The following ARHGEF18 variants were observed in gnomAD, a reference collection of about 807,000 sequenced individuals.
ARHGEF18 encodes Rho/Rac guanine nucleotide exchange factor 18.
Under a neutral mutation model 155.7 loss-of-function variants are expected in ARHGEF18, and 93 were observed. The ratio of observed to expected loss-of-function variants is 0.60; its 90% CI spans 0.50 to 0.71. ARHGEF18 has a LOEUF of 0.71. Among genes scored for constraint, ARHGEF18 ranks in the 30% least tolerant of loss-of-function variants. The probability of loss-of-function intolerance (pLI) is 0.00; values close to 1 mark genes in which losing one functional copy is unlikely to be tolerated. For synonymous variants in ARHGEF18, 742 were observed against 753.1 expected (o/e 0.99, Z 0.24); for missense variants, 1,593 against 1,816.1 (o/e 0.88, Z 2.23).
intron 10 of ARHGEF18, among the ~76,000 whole-genome samples, chr19:7,385,504 C>A (rs1328222402): frequency 1.3e-5 from 2 of 148,952 alleles, no homozygotes; most frequent in Non-Finnish European, 3.0e-5. Context: ...GAGACGGAGT[C>A]CCACTCTGTC....
In ARHGEF18 at chr19:7,453,725, T is replaced by C; in HGVS notation, c.2104+10T>C. 6.5e-7 allele frequency: 1 copy of C among 1,533,810 alleles called. No homozygotes were observed. The highest frequency in any genetic ancestry group is 1.3e-5 in the South Asian group (1 of 78,202). The stretch of plus-strand genomic sequence containing the variant: ...TCAGGGCGCTTGAAAGGTAAAGGCC[T>C]GCCCCTGCCCACCTCTAGTGGGTGC... On this transcript the variant is annotated intron_variant, in intron 17 of 28. Transcript: ENST00000668164.
At chr19:7,357,353 C>T (rs1233370972) in intron 1 of ARHGEF18, among the ~76,000 whole-genome samples, 1 of 152,220 alleles carries the variant, frequency 6.6e-6, no homozygotes. Context: ...GGCTGCTCAG[C>T]TCACCCTGTC....
chr19:7,381,691 T>TAATAAATAAATA (rs57480401), intron 8 of ARHGEF18, among the ~76,000 whole-genome samples: 1,806 of 146,112 alleles, frequency 0.012, 39 homozygotes, highest in African/African-American at 0.042. Flanking sequence ...AATAAATAAA[T>TAATAAATAAATA]AATAAATAAA....
downstream of ARHGEF18, among the ~76,000 whole-genome samples, chr19:7,474,455 T>C (rs763005039): frequency 2.2e-4 from 34 of 152,186 alleles, no homozygotes; most frequent in Non-Finnish European, 4.3e-4. Flanking sequence ...CTTGACTCAC[T>C]GCAACCGCCG....
rs747203336 is a variant in ARHGEF18, at chr19:7,447,178, A to AT, written c.1737+21dup. 3.3e-3 allele frequency: 4,450 copies of AT among 1,356,284 alleles called. No individual in the cohort carries two copies. The highest frequency in any genetic ancestry group is 6.7e-3 in the East Asian group (240 of 35,996). 84.0% of individuals were successfully genotyped at this position (1,356,284 alleles called of 1,614,324 possible). ...TCAAAACTTGATCAAGGTAAAAACA[A>AT]TTTTTTTTTTTAATCAAAAACTTAT... is the stretch of plus-strand genomic sequence containing the variant. On this transcript the variant is annotated intron_variant, in intron 15 of 28. Transcript: ENST00000668164.
intron 10 of ARHGEF18, among the ~76,000 whole-genome samples, chr19:7,412,182 C>T (rs751245119): frequency 8.7e-5 from 12 of 138,154 alleles, no homozygotes; most frequent in East Asian, 2.0e-4. Context: ...ATTACAGGGG[C>T]GCGCCACCAC....
chr19:7,413,582 T>G (rs2145633986), intron 10 of ARHGEF18, among the ~76,000 whole-genome samples: 1 of 148,792 alleles, frequency 6.7e-6, no homozygotes, highest in Middle Eastern at 3.4e-3. Context: ...ATTACAGGCG[T>G]GAGCCACTGC....
rs1462992712 is a variant in ARHGEF18, at chr19:7,453,508, C to A, written c.1897C>A (p.Leu633Ile). The A allele has an allele frequency of 6.2e-7, 1 of 1,613,400 alleles. No individual in the cohort carries two copies. The highest frequency in any genetic ancestry group is 1.3e-5 in the African/African-American group (1 of 74,924). The change falls in exon 17 of 29, where the codon CTC becomes ATC. Residue 633 changes from leucine (L) to isoleucine (I), a missense_variant. Physicochemically the swap from Leu to Ile is conservative, Grantham distance 5. Transcript: ENST00000668164. ...TGAAGACCTGACCCAGGCCTTGAAC[C>A]TCATCAAAGATATCATCTCACAAGT... ...DYEDLTQALN[L>I]IKDIISQVDA...
intron 24 of ARHGEF18, 31 bp downstream of exon 24, chr19:7,467,005 G>A (rs1349815755): frequency 1.2e-6 from 2 of 1,613,282 alleles, no homozygotes; most frequent in East Asian, 4.5e-5. Flanking sequence ...ATCTCCCCAG[G>A]GCCTTGTGCA....
intron 15 of ARHGEF18, among the ~76,000 whole-genome samples, chr19:7,449,641 C>G (rs984364574): frequency 6.6e-6 from 1 of 152,016 alleles, no homozygotes; most frequent in African/African-American, 2.4e-5. Flanking sequence ...GACAGCTTGA[C>G]AGATGATTTC....
chr19:7,430,425 A>G (rs7249530), intron 10 of ARHGEF18, among the ~76,000 whole-genome samples: 5,998 of 151,076 alleles, frequency 0.04, 392 homozygotes, highest in African/African-American at 0.14. Context: ...CTGGCCTCAA[A>G]CTCTTGACCT....
chr19:7,452,728 A>G (rs1168424996), intron 16 of ARHGEF18, among the ~76,000 whole-genome samples: 1 of 151,596 alleles, frequency 6.6e-6, no homozygotes, highest in African/African-American at 2.4e-5. Flanking sequence ...AGCCTCCCAG[A>G]GTGCTGGGAT....
chr19:7,404,425 G>T (rs929152411), intron 10 of ARHGEF18, among the ~76,000 whole-genome samples: 1 of 150,092 alleles, frequency 6.7e-6, no homozygotes, highest in African/African-American at 2.4e-5. Context: ...AAGCAAACCC[G>T]CTCTGTGAGG....
At chr19:7,418,771 C>T (rs1477973454) in intron 10 of ARHGEF18, among the ~76,000 whole-genome samples, 4 of 152,012 alleles carry the variant, frequency 2.6e-5, no homozygotes, top group Non-Finnish European at 4.4e-5. Flanking sequence ...ATGGAGTTGT[C>T]GGTGTGGATT....
Position 7,470,024 on chromosome 19 carries a change from C to T in ARHGEF18, c.3908C>T (p.Pro1303Leu). The T allele has an allele frequency of 6.2e-7, 1 of 1,612,778 alleles. No homozygotes were observed. The highest frequency in any genetic ancestry group is 8.5e-7 in the Non-Finnish European group (1 of 1,179,828). Residue 1303 changes from proline (P) to leucine (L), a missense_variant, in exon 28 of 29, where the codon CCA becomes CTA. Pro to Leu is a moderately conservative substitution (Grantham distance 98). Transcript: ENST00000668164. The surrounding 1 kb of genome is among the most constrained non-coding windows in gnomAD (Gnocchi z 5.9). ...CCCGGCAGACACAGTCCTGCGCCCC[C>T]ACCAGGTGAGCCCCCACCCCCTGAC... ...ILPGRHSPAP[P>L]PDPGFPAPSP...
At position 7,440,323 on chromosome 19, in the gene ARHGEF18, C is replaced by T; in HGVS notation, c.968-21C>T. On this transcript the variant is annotated intron_variant, in intron 10 of 28. Coordinates refer to ENST00000668164, the MANE Select transcript of ARHGEF18 (RefSeq NM_001367823.1). This position sits in a 1 kb window ranked among gnomAD's most constrained non-coding sequence, Gnocchi z 5.4. ...CCGACCCACTTTCTCAGCACCAACT[C>T]TGTCCTTGCCTCTGTCACAGCCTCG... is the stretch of plus-strand genomic sequence containing the variant. 6.2e-7 allele frequency: 1 copy of T among 1,609,190 alleles called. No homozygotes were observed. The highest frequency in any genetic ancestry group is 8.5e-7 in the Non-Finnish European group (1 of 1,177,908).
At chr19:7,355,014 C>G (rs1969248331) in intron 1 of ARHGEF18, among the ~76,000 whole-genome samples, 2 of 151,666 alleles carry the variant, frequency 1.3e-5, no homozygotes, top group South Asian at 4.2e-4. Context: ...CAGATCTCCC[C>G]AAGACACAGA....
the ARHGEF18 span, chr19:7,478,504 G>T: frequency 1.1e-6 from 1 of 951,748 alleles, no homozygotes; most frequent in Non-Finnish European, 1.6e-6. Flanking sequence ...CCCTCTCCCT[G>T]CCCCCACAGT....
Position 7,467,694 on chromosome 19 carries a change from C to T in ARHGEF18, c.3480+10C>T. 4.1e-6 allele frequency: 6 copies of T among 1,475,732 alleles called. No individual in the cohort carries two copies. The highest frequency in any genetic ancestry group is 4.5e-6 in the Non-Finnish European group (5 of 1,123,068). The allele number at this position is 1,475,732 out of a possible 1,614,324, so 91.4% of individuals were successfully genotyped here. A position where few individuals can be genotyped will look rare whatever the true frequency, so the allele number is the denominator to read the frequency against. On this transcript the variant is annotated intron_variant, in intron 26 of 28. Coordinates refer to ENST00000668164, the MANE Select transcript of ARHGEF18 (RefSeq NM_001367823.1). ...CGACACACTGGCCGAGGTGAGCGCG[C>T]AGCAGCCAGTGTGCGCAGGTTGGGG... is the stretch of plus-strand genomic sequence containing the variant.
Sources: gnomAD v4.1 joint callset for allele counts (sites outside exome capture counted in the v4.1 genomes callset) on GRCh38, gnomAD v4.1.1 for gene constraint, Gnocchi (gnomAD v3.1) non-coding constraint, MANE v1.5 for transcripts, NCBI Gene and HGNC (gene_info 2026-07-23, HGNC 2026-07-21) for gene names.